PCDHA8: variants seen among roughly 807,000 people sequenced by gnomAD.
PCDHA8 encodes protocadherin alpha 8.
A neutral mutation model predicts 61.8 loss-of-function variants in PCDHA8; 53 were observed. That is an observed-to-expected ratio of 0.86 (90% CI 0.69 to 1.08). The LOEUF is 1.08. PCDHA8 is among the 50% of genes least tolerant of loss of function. The pLI, the probability that PCDHA8 is intolerant of heterozygous loss-of-function variation, is 0.00. For synonymous variants in PCDHA8, 618 were observed against 556.6 expected (o/e 1.11, Z -1.55); for missense variants, 1,293 against 1,245.0 (o/e 1.04, Z -0.58).
chr5:140,870,825 C>G (rs1554164734), intron 1 of PCDHA8: 1 of 1,613,726 alleles, frequency 6.2e-7, no homozygotes. Flanking sequence ...GCGCGGGAGG[C>G]GCAGTTAACA....
rs1413393487 is a variant in PCDHA8, at chr5:140,941,341, G to T, written c.2395-37608G>T. On this transcript the variant is annotated intron_variant, in intron 1 of 3. Coordinates refer to ENST00000531613, the MANE Select transcript of PCDHA8 (RefSeq NM_018911.3). ...TCTCTTTTTTTTTTTTTTTCAGATG[G>T]AGTCTTGCTCTGTTGCCTAGGCTGG... Among the ~76,000 whole-genome samples the T allele has an allele frequency of 2.5e-5, 3 of 119,500 alleles. No homozygotes were observed. The East Asian group carries it at 8.2e-4, about 33-fold the overall frequency. 78.4% of individuals were successfully genotyped at this position (119,500 alleles called of 152,430 possible).
intron 1 of PCDHA8, chr5:140,927,104 C>T (rs1554204027): frequency 6.2e-7 from 1 of 1,613,722 alleles, no homozygotes; most frequent in Admixed American, 1.7e-5. Flanking sequence ...GTGGATCTAC[C>T]CAGCGGCAAT....
chr5:140,874,010 T>C (rs1002287481), intron 1 of PCDHA8, among the ~76,000 whole-genome samples: 7 of 152,208 alleles, frequency 4.6e-5, no homozygotes, highest in Non-Finnish European at 8.8e-5. Context: ...TTGACCACTT[T>C]TGAAAATGAA....
chr5:140,877,310 C>A, intron 1 of PCDHA8: 2 of 1,613,938 alleles, frequency 1.2e-6, no homozygotes, highest in Non-Finnish European at 1.7e-6. Context: ...GAGTTGCAAC[C>A]GGCGGCGGTC....
chr5:140,961,007 T>C (rs2095583572), intron 1 of PCDHA8, among the ~76,000 whole-genome samples: 1 of 152,230 alleles, frequency 6.6e-6, no homozygotes, highest in Non-Finnish European at 1.5e-5. Context: ...GCTGCTGGAC[T>C]GCATGGACAC....
chr5:140,887,838 T>C (rs1434293324), intron 1 of PCDHA8, among the ~76,000 whole-genome samples: 1 of 152,210 alleles, frequency 6.6e-6, no homozygotes. Context: ...TGAATATCTT[T>C]TATTGACATA....
intron 1 of PCDHA8, chr5:140,876,061 C>G (rs782151232): frequency 6.2e-7 from 1 of 1,613,778 alleles, no homozygotes; most frequent in Non-Finnish European, 8.5e-7. Context: ...ATTAGTTCTT[C>G]GGAAGTTATT....
rs575381539 is a variant in PCDHA8, at chr5:140,952,919, T to TGAGCAG, written c.2395-26018_2395-26013dup. On this transcript the variant is annotated intron_variant, in intron 1 of 3. Coordinates refer to ENST00000531613, the MANE Select transcript of PCDHA8 (RefSeq NM_018911.3). ...GGAATCAAGCTCATCTTACATGGCA[T>TGAGCAG]GAGCAGGAGCAGGAGCAAGAGAGAG... 2.3e-3 allele frequency among the ~76,000 whole-genome samples: 343 copies of TGAGCAG among 152,172 alleles called. 1 individual carries two copies. Among genetic ancestry groups the TGAGCAG allele is most frequent in the African/African-American group, 7.9e-3 (326 of 41,516 alleles).
intron 1 of PCDHA8, among the ~76,000 whole-genome samples, chr5:140,957,190 A>G (rs2153712685): frequency 6.6e-6 from 1 of 152,294 alleles, no homozygotes; most frequent in South Asian, 2.1e-4. Context: ...TTGATGACCG[A>G]TTGGGAATAT....
chr5:140,870,455 C>A, intron 1 of PCDHA8: 6 of 1,614,246 alleles, frequency 3.7e-6, no homozygotes, highest in Non-Finnish European at 5.1e-6. Context: ...AACGACAATG[C>A]GCCTGCGTTC....
At chr5:141,006,050 G>A (rs1554260524) in intron 3 of PCDHA8, among the ~76,000 whole-genome samples, 1 of 151,092 alleles carries the variant, frequency 6.6e-6, no homozygotes, top group African/African-American at 2.4e-5. Flanking sequence ...GTAGATGAGA[G>A]TGGAGAAGAA....
chr5:140,883,632 T>C (rs782762437), intron 1 of PCDHA8: 1 of 1,613,936 alleles, frequency 6.2e-7, no homozygotes, highest in South Asian at 1.1e-5. Flanking sequence ...GCGCCGGCGT[T>C]CGCGCAGCCC....
intron 1 of PCDHA8, chr5:140,854,321 C>A: frequency 3.7e-6 from 1 of 267,696 alleles, no homozygotes; most frequent in Non-Finnish European, 5.7e-6. Context: ...TGATCAATGG[C>A]AAACTTATTT....
rs782052342 is a variant in PCDHA8, at chr5:140,927,029, C to T, written c.2395-51920C>T. On this transcript the variant is annotated intron_variant, in intron 1 of 3. Transcript: ENST00000531613. ...AATCTCTCCGCGGACTTGAGGCTGC[C>T]AGCGGCCGCTATGTCCTCGCGGAAC... 1.9e-6 allele frequency: 3 copies of T among 1,612,358 alleles called. No homozygotes were observed. In the South Asian group the frequency reaches 3.3e-5, roughly 18 times the overall value.
At chr5:140,857,102 A>G in intron 1 of PCDHA8, 1 of 1,597,722 alleles carries the variant, frequency 6.3e-7, no homozygotes, top group Non-Finnish European at 8.6e-7. Context: ...GGTGATTGTC[A>G]CTTCTCTGTC....
intron 1 of PCDHA8, among the ~76,000 whole-genome samples, chr5:140,878,873 T>A (rs1267188729): frequency 1.3e-5 from 2 of 152,248 alleles, no homozygotes; most frequent in African/African-American, 2.4e-5. Flanking sequence ...CATTTCAGCC[T>A]TTCAAGTAGC....
At chr5:140,881,323 T>C in intron 1 of PCDHA8, 1 of 984,214 alleles carries the variant, frequency 1.0e-6, no homozygotes, top group South Asian at 4.7e-5. Flanking sequence ...AAATTCTATT[T>C]AACCAGGACG....
intron 3 of PCDHA8, among the ~76,000 whole-genome samples, chr5:140,986,226 C>T (rs2097191326): frequency 6.6e-6 from 1 of 152,168 alleles, no homozygotes; most frequent in African/African-American, 2.4e-5. Context: ...TCTCTAGCCT[C>T]CCCTCTGTGT....
At position 140,967,525 on chromosome 5, in the gene PCDHA8, C is replaced by T. The variant is rs368677084; in HGVS notation, c.2395-11424C>T. The stretch of plus-strand genomic sequence containing the variant: ...TGCGTGTCCTGGACACTAACGACAA[C>T]TCTCCTGCCTTTGACCAGTCCACTT... On this transcript the variant is annotated intron_variant, in intron 1 of 3. Coordinates refer to ENST00000531613, the MANE Select transcript of PCDHA8 (RefSeq NM_018911.3). 3.7e-5 allele frequency: 59 copies of T among 1,613,048 alleles called. No individual in the cohort carries two copies. The African/African-American group carries it at 7.3e-4, about 20-fold the overall frequency.
Sources: allele counts gnomAD v4.1 joint callset (sites outside exome capture counted in the v4.1 genomes callset), GRCh38; gene constraint gnomAD v4.1.1; transcripts MANE v1.5; gene names NCBI Gene and HGNC (gene_info 2026-07-23, HGNC 2026-07-21).